The following ESRRB variants were observed in gnomAD, a reference collection of about 807,000 sequenced individuals.
ESRRB encodes estrogen related receptor beta.
Under a neutral mutation model 46.0 loss-of-function variants are expected in ESRRB, and 16 were observed. That is an observed-to-expected ratio of 0.35 (90% CI 0.24 to 0.53). The LOEUF is 0.53. ESRRB is among the 20% of genes least tolerant of loss of function. ESRRB has a pLI of 0.93. For synonymous variants in ESRRB, 246 were observed against 259.6 expected (o/e 0.95, Z 0.50); for missense variants, 488 against 607.4 (o/e 0.80, Z 2.07).
At chr14:76,332,938 CTTATATA>C (rs1378715139) in intron 1 of ESRRB, among the ~76,000 whole-genome samples, 1 of 32,440 alleles carries the variant, frequency 3.1e-5, no homozygotes, top group Non-Finnish European at 5.1e-5. Flanking sequence ...ATATTATATA[CTTATATA>C]TTATATATTT....
At chr14:76,408,435 A>G (rs1387497757) in intron 1 of ESRRB, among the ~76,000 whole-genome samples, 2 of 151,868 alleles carry the variant, frequency 1.3e-5, no homozygotes, top group Non-Finnish European at 2.9e-5. Context: ...TTAAAAATTA[A>G]CCAGGTGCAG....
chr14:76,408,468 G>A (rs913523219), intron 1 of ESRRB, among the ~76,000 whole-genome samples: 1 of 151,774 alleles, frequency 6.6e-6, no homozygotes, highest in African/African-American at 2.4e-5. Flanking sequence ...GCATGCCTGT[G>A]GTCCCAGCTC....
Position 76,462,692 on chromosome 14 carries a change from G to A in ESRRB, c.577+31G>A, listed in dbSNP as rs138968289. 1.4e-4 allele frequency: 206 copies of A among 1,513,956 alleles called. No homozygotes were observed. In the African/African-American group the frequency reaches 2.7e-3, roughly 20 times the overall value. 93.8% of individuals were successfully genotyped at this position (1,513,956 alleles called of 1,614,324 possible). On this transcript the variant is annotated intron_variant, in intron 3 of 6. Coordinates refer to ENST00000644823, the MANE Select transcript of ESRRB (RefSeq NM_001379180.1). ...AGACCCCACCGAGTCGGGGTTCACT[G>A]TGAGGCTCTGCTTGCTGGGGAGTTT...
chr14:76,354,278 T>C (rs1884352132), intron 1 of ESRRB, among the ~76,000 whole-genome samples: 1 of 133,736 alleles, frequency 7.5e-6, no homozygotes, highest in East Asian at 2.6e-4. Context: ...CTGTCATTAG[T>C]GTTACTTGCT....
intron 1 of ESRRB, among the ~76,000 whole-genome samples, chr14:76,420,045 G>T (rs1001966232): frequency 4.6e-5 from 7 of 152,198 alleles, no homozygotes; most frequent in Non-Finnish European, 1.0e-4. Flanking sequence ...TTGGTCTCAG[G>T]CCATTGCATT....
chr14:76,494,621 G>A (rs998962365), intron 6 of ESRRB, among the ~76,000 whole-genome samples: 4 of 152,030 alleles, frequency 2.6e-5, no homozygotes, highest in African/African-American at 9.7e-5. Flanking sequence ...GTGTTGTATT[G>A]TTCTATAGGT....
chr14:76,492,404 CAA>C (rs370148549), intron 6 of ESRRB, among the ~76,000 whole-genome samples: 10 of 152,294 alleles, frequency 6.6e-5, no homozygotes, highest in African/African-American at 2.4e-4. Context: ...TGGGCTCAAG[CAA>C]TCCTCTCACC....
intron 6 of ESRRB, among the ~76,000 whole-genome samples, chr14:76,497,197 C>T (rs957559197): frequency 1.3e-5 from 2 of 151,980 alleles, no homozygotes; most frequent in Admixed American, 6.6e-5. Context: ...CACCTGATGA[C>T]GAAGGAGTGC....
intron 1 of ESRRB, among the ~76,000 whole-genome samples, chr14:76,358,379 GAA>G (rs1400160881): frequency 7.8e-5 from 5 of 64,292 alleles, no homozygotes; most frequent in Non-Finnish European, 1.4e-4. Flanking sequence ...AAGAAAGAAA[GAA>G]AGAAAGAAAG....
chr14:76,404,665 G>A (rs77170091), intron 1 of ESRRB, among the ~76,000 whole-genome samples: 4,966 of 152,000 alleles, frequency 0.033, 283 homozygotes, highest in African/African-American at 0.11. Context: ...GCTTAGAATC[G>A]TCTCTGGCAA....
intron 2 of ESRRB, among the ~76,000 whole-genome samples, chr14:76,442,816 C>CTT (rs1245748328): frequency 0.068 from 8,903 of 131,040 alleles, 351 homozygotes; most frequent in Non-Finnish European, 0.086. Context: ...TCTTTTTTTT[C>CTT]TTTTTTTTTT....
intron 1 of ESRRB, among the ~76,000 whole-genome samples, chr14:76,437,362 G>A (rs1047289535): frequency 5.9e-5 from 9 of 152,138 alleles, no homozygotes; most frequent in African/African-American, 2.2e-4. Flanking sequence ...AATCATTAAT[G>A]AGACCAGGGA....
chr14:76,432,061 T>C (rs1295996361), intron 1 of ESRRB, among the ~76,000 whole-genome samples: 1 of 152,148 alleles, frequency 6.6e-6, no homozygotes, highest in Non-Finnish European at 1.5e-5. Context: ...GCCTCTCCAT[T>C]TTCTCCCAAT....
chr14:76,404,843 T>C (rs1472396159), intron 1 of ESRRB, among the ~76,000 whole-genome samples: 1 of 152,206 alleles, frequency 6.6e-6, no homozygotes, highest in African/African-American at 2.4e-5. Flanking sequence ...TATTTTGTTG[T>C]GGGCAGTAAA....
At chr14:76,375,933 C>A (rs11628248), upstream of ESRRB, among the ~76,000 whole-genome samples, 28,711 of 142,010 alleles carry the variant, frequency 0.2, 3,459 homozygotes, top group Non-Finnish European at 0.28. Flanking sequence ...CCTTAGGGCT[C>A]TAACACCCAG....
intron 1 of ESRRB, among the ~76,000 whole-genome samples, chr14:76,358,373 AAGAAAGAAAGAAAGAAAGAAAGAAAG>A (rs1266634092): frequency 7.5e-5 from 6 of 80,042 alleles, no homozygotes; most frequent in African/African-American, 2.6e-4. Context: ...GAAAGAAAGA[AAGAAAGAAAGAAAGAAAGAAAGAAAG>A]AAAGAAAGAA....
chr14:76,337,859 G>C (rs911665937), intron 1 of ESRRB, among the ~76,000 whole-genome samples: 1 of 152,186 alleles, frequency 6.6e-6, no homozygotes, highest in Admixed American at 6.5e-5. Context: ...CACGGTGTAG[G>C]GTTTTGTGTG....
intron 1 of ESRRB, among the ~76,000 whole-genome samples, chr14:76,362,417 A>T (rs1387433142): frequency 6.6e-6 from 1 of 152,204 alleles, no homozygotes; most frequent in Non-Finnish European, 1.5e-5. Context: ...TCAGTGTATC[A>T]TGATGCTGTT....
In ESRRB at chr14:76,482,636, G is replaced by A. The variant is rs4277274; in HGVS notation, c.727G>A (p.Asp243Asn). The change falls in exon 5 of 7, where the codon GAC becomes AAC. Residue 243 changes from aspartate (D) to asparagine (N), a missense_variant. Physicochemically the swap from Asp to Asn is conservative, Grantham distance 23. Transcript: ENST00000644823. This position sits in a 1 kb window ranked among gnomAD's most constrained non-coding sequence, Gnocchi z 4.3. The part of the protein sequence containing the change: ...IVSYLLVAEP[D>N]KLYAMPPPGM... ...CTCATACCTACTGGTGGCTGAGCCGGACAAGCTCTATGCCATGCCTCCCCC... is the reference window on the plus strand; with the variant it reads ...CTCATACCTACTGGTGGCTGAGCCGAACAAGCTCTATGCCATGCCTCCCCC... 3.1e-6 allele frequency: 5 copies of A among 1,614,134 alleles called. No homozygotes were observed. In the African/African-American group the frequency reaches 6.7e-5, roughly 22 times the overall value.
Sources: gnomAD v4.1 joint callset for allele counts (sites outside exome capture counted in the v4.1 genomes callset) on GRCh38, gnomAD v4.1.1 for gene constraint, Gnocchi (gnomAD v3.1) non-coding constraint, MANE v1.5 for transcripts, NCBI Gene and HGNC (gene_info 2026-07-23, HGNC 2026-07-21) for gene names.